SPPL3: variants seen among roughly 807,000 people sequenced by gnomAD.
The protein encoded by SPPL3 is signal peptide peptidase-like 3.
SPPL3 carries 5 observed loss-of-function variants against 42.4 expected under a neutral mutation model. The observed-to-expected ratio is 0.12, with a 90% CI of 0.06 to 0.25. The LOEUF is 0.25. SPPL3 is among the 10% of genes least tolerant of loss of function. The pLI, the probability that SPPL3 is intolerant of heterozygous loss-of-function variation, is 1.00. For missense variants in SPPL3, 235 were observed against 489.0 expected (o/e 0.48, Z 4.90); for synonymous variants, 195 against 181.8 (o/e 1.07, Z -0.58).
At chr12:120,856,502 T>C (rs1248804342) in intron 1 of SPPL3, among the ~76,000 whole-genome samples, 3 of 122,186 alleles carry the variant, frequency 2.5e-5, no homozygotes, top group South Asian at 5.2e-4. Flanking sequence ...ACAATTTTCA[T>C]CTTTTTTTTT....
At chr12:120,891,513 A>C (rs1285551366) in intron 1 of SPPL3, among the ~76,000 whole-genome samples, 2 of 152,208 alleles carry the variant, frequency 1.3e-5, no homozygotes, top group Non-Finnish European at 1.5e-5. Flanking sequence ...AGGAGAAAAA[A>C]ACGGCAAAAT....
intron 1 of SPPL3, among the ~76,000 whole-genome samples, chr12:120,856,963 T>C (rs1168966551): frequency 1.3e-5 from 2 of 151,904 alleles, no homozygotes; most frequent in African/African-American, 2.4e-5. Context: ...GGGGATGGAG[T>C]GATAGGGACC....
intron 1 of SPPL3, among the ~76,000 whole-genome samples, chr12:120,892,335 G>A (rs1261641753): frequency 1.3e-5 from 2 of 152,104 alleles, no homozygotes; most frequent in Non-Finnish European, 1.5e-5. Context: ...AATCCTGAGT[G>A]CTGCCCACAT....
chr12:120,852,272 C>T (rs1872252973), intron 1 of SPPL3, among the ~76,000 whole-genome samples: 1 of 149,712 alleles, frequency 6.7e-6, no homozygotes, highest in Admixed American at 6.7e-5. Flanking sequence ...AGTTACATGC[C>T]AATTTGACAT....
chr12:120,859,982 T>C (rs1404015227), intron 1 of SPPL3, among the ~76,000 whole-genome samples: 1 of 152,200 alleles, frequency 6.6e-6, no homozygotes, highest in African/African-American at 2.4e-5. Context: ...GGCTCATTCC[T>C]GTAATCCCAG....
At chr12:120,835,493 C>T (rs1320846659) in intron 1 of SPPL3, 1 of 152,202 alleles carries the variant, frequency 6.6e-6, no homozygotes, top group Non-Finnish European at 1.5e-5. Context: ...TCCTCTGACC[C>T]ACTGTGCTGT....
At chr12:120,805,415 A>G (rs1216373536) in intron 2 of SPPL3, among the ~76,000 whole-genome samples, 1 of 152,252 alleles carries the variant, frequency 6.6e-6, no homozygotes, top group Non-Finnish European at 1.5e-5. Flanking sequence ...AAAATGTACA[A>G]CTAACTACAT....
At chr12:120,789,407 C>T (rs6489779) in intron 3 of SPPL3, among the ~76,000 whole-genome samples, 99,541 of 144,520 alleles carry the variant, frequency 0.69, 34,636 homozygotes, top group East Asian at 0.84. Context: ...TCAGCAGAGA[C>T]TGCACCTCTG....
chr12:120,770,182 C>G (rs184005429), intron 6 of SPPL3: 1 of 152,194 alleles, frequency 6.6e-6, no homozygotes, highest in Non-Finnish European at 1.5e-5. Context: ...CTGGGACCAC[C>G]GGCATGTGCC....
At chr12:120,901,358 C>T (rs1339046770) in intron 1 of SPPL3, among the ~76,000 whole-genome samples, 2 of 151,776 alleles carry the variant, frequency 1.3e-5, no homozygotes, top group South Asian at 2.1e-4. Flanking sequence ...TTTGGGAAGC[C>T]GAGGTGGGCA....
chr12:120,792,874 T>C (rs1869968186), intron 2 of SPPL3, among the ~76,000 whole-genome samples: 1 of 152,040 alleles, frequency 6.6e-6, no homozygotes, highest in Admixed American at 6.6e-5. Flanking sequence ...TAAAAACACA[T>C]GGTAAATCTC....
chr12:120,840,577 G>T (rs1871786374), intron 1 of SPPL3, among the ~76,000 whole-genome samples: 1 of 151,938 alleles, frequency 6.6e-6, no homozygotes, highest in Non-Finnish European at 1.5e-5. Flanking sequence ...GCCAGATGCG[G>T]TGGCAGCACT....
chr12:120,873,956 AG>A (rs1391764554), intron 1 of SPPL3, among the ~76,000 whole-genome samples: 1 of 152,172 alleles, frequency 6.6e-6, no homozygotes, highest in Non-Finnish European at 1.5e-5. Context: ...AAAGTACTGA[AG>A]GAAAAAAAGT....
intron 2 of SPPL3, among the ~76,000 whole-genome samples, chr12:120,794,460 T>C (rs1870033120): frequency 6.6e-6 from 1 of 152,084 alleles, no homozygotes; most frequent in African/African-American, 2.4e-5. Context: ...TGCAGCAGTG[T>C]AGTCTTGGCT....
chr12:120,853,983 T>TACACACACACACACACACACACAC (rs58246859), intron 1 of SPPL3, among the ~76,000 whole-genome samples: 15 of 130,216 alleles, frequency 1.2e-4, no homozygotes, highest in Admixed American at 1.6e-4. Context: ...CACGCACACA[T>TACACACACACACACACACACACAC]ACACACACAC....
intron 1 of SPPL3, among the ~76,000 whole-genome samples, chr12:120,856,995 T>C (rs1302953551): frequency 6.6e-6 from 1 of 152,040 alleles, no homozygotes; most frequent in Non-Finnish European, 1.5e-5. Context: ...AAGCTAACCA[T>C]CTGAAGCTCT....
At chr12:120,855,303 T>C (rs1352772188) in intron 1 of SPPL3, among the ~76,000 whole-genome samples, 1 of 152,144 alleles carries the variant, frequency 6.6e-6, no homozygotes, top group East Asian at 1.9e-4. Flanking sequence ...CTGACAAATG[T>C]ATAAAAAACA....
At chr12:120,848,198 C>T (rs935775869) in intron 1 of SPPL3, among the ~76,000 whole-genome samples, 3 of 152,160 alleles carry the variant, frequency 2.0e-5, no homozygotes, top group Non-Finnish European at 4.4e-5. Flanking sequence ...CTCAAGGTTG[C>T]TCTATAAGCA....
intron 1 of SPPL3, among the ~76,000 whole-genome samples, chr12:120,885,055 G>C (rs955470735): frequency 3.3e-5 from 5 of 151,492 alleles, no homozygotes; most frequent in African/African-American, 1.2e-4. Flanking sequence ...ACTCAGTTGG[G>C]AACAAACAAA....
Sources: allele counts gnomAD v4.1 joint callset (sites outside exome capture counted in the v4.1 genomes callset), GRCh38; gene constraint gnomAD v4.1.1; transcripts MANE v1.5; gene names NCBI Gene and HGNC (gene_info 2026-07-23, HGNC 2026-07-21).